The following KIAA1328 variants were observed in gnomAD, a reference collection of about 807,000 sequenced individuals.
KIAA1328 encodes the protein protein hinderin.
Under a neutral mutation model 68.1 loss-of-function variants are expected in KIAA1328, and 52 were observed. That is an observed-to-expected ratio of 0.76 (90% CI 0.61 to 0.96). KIAA1328 has a LOEUF of 0.96. KIAA1328 is among the 40% of genes least tolerant of loss of function. The pLI is 0.00. For synonymous variants in KIAA1328, 232 were observed against 239.4 expected (o/e 0.97, Z 0.28); for missense variants, 641 against 677.6 (o/e 0.95, Z 0.60).
At chr18:36,918,928 T>TTA in intron 5 of KIAA1328, among the ~76,000 whole-genome samples, 1 of 152,224 alleles carries the variant, frequency 6.6e-6, no homozygotes, top group African/African-American at 2.4e-5. Flanking sequence ...AGATACTCTG[T>TTA]ATAATTTTAG....
intron 6 of KIAA1328, among the ~76,000 whole-genome samples, chr18:37,015,207 TC>T (rs1373135116): frequency 1.3e-5 from 2 of 152,152 alleles, no homozygotes; most frequent in Non-Finnish European, 2.9e-5. Flanking sequence ...CTAGTTTTGT[TC>T]TTCTCCATAT....
chr18:37,144,800 G>A (rs920916428), intron 7 of KIAA1328, among the ~76,000 whole-genome samples: 4 of 151,994 alleles, frequency 2.6e-5, no homozygotes, highest in African/African-American at 4.8e-5. Context: ...AAAGTGTGGG[G>A]ATTACAGGCG....
intron 9 of KIAA1328, among the ~76,000 whole-genome samples, chr18:37,206,379 A>T (rs767251701): frequency 6.6e-6 from 1 of 152,122 alleles, no homozygotes; most frequent in Non-Finnish European, 1.5e-5. Flanking sequence ...TCTATGAGGA[A>T]CATATCTGTT....
chr18:37,152,981 C>T (rs201767831), intron 7 of KIAA1328, among the ~76,000 whole-genome samples: 1 of 152,146 alleles, frequency 6.6e-6, no homozygotes, highest in East Asian at 1.9e-4. Flanking sequence ...GAGGCTCCAT[C>T]TTTACTTTTC....
At chr18:37,040,129 T>C (rs1443934154) in intron 6 of KIAA1328, among the ~76,000 whole-genome samples, 2 of 152,348 alleles carry the variant, frequency 1.3e-5, no homozygotes, top group East Asian at 3.9e-4. Flanking sequence ...TAGAAAACTT[T>C]TGTTTTAAGG....
At chr18:37,134,393 G>A (rs1481853560) in intron 7 of KIAA1328, among the ~76,000 whole-genome samples, 1 of 152,028 alleles carries the variant, frequency 6.6e-6, no homozygotes, top group African/African-American at 2.4e-5. Context: ...AATGTTTACT[G>A]TAATATGTAA....
intron 6 of KIAA1328, among the ~76,000 whole-genome samples, chr18:37,052,299 A>T (rs1307460861): frequency 6.6e-6 from 1 of 152,214 alleles, no homozygotes; most frequent in African/African-American, 2.4e-5. Flanking sequence ...ACATCTCTTC[A>T]TGATAAAAAC....
chr18:37,024,910 G>T (rs1367481171), intron 6 of KIAA1328, among the ~76,000 whole-genome samples: 3 of 152,104 alleles, frequency 2.0e-5, no homozygotes, highest in Non-Finnish European at 4.4e-5. Context: ...TGATGGCTGG[G>T]TCAAATGGTA....
At position 37,160,232 on chromosome 18, in the gene KIAA1328, T is replaced by C; in HGVS notation, c.1265T>C (p.Leu422Pro). The change falls in exon 8 of 10, where the codon CTT (leucine) becomes CCT (proline). Residue 422 changes from leucine to proline, a missense_variant. Coordinates refer to ENST00000280020, the MANE Select transcript of KIAA1328 (RefSeq NM_020776.3). ...AAGTCAAACTGTGATGGCTGGCTGC[T>C]TGGAACATCATCATCTATTAAAAAG... Reference protein sequence around the residue: ...LLKSNCDGWLLGTSSSIKKHQ... With the variant: ...LLKSNCDGWLPGTSSSIKKHQ... 1 of 1,613,192 alleles carries C rather than the reference T, an allele frequency of 6.2e-7. No individual in the cohort carries two copies. The highest frequency in any genetic ancestry group is 8.5e-7 in the Non-Finnish European group (1 of 1,179,528).
chr18:36,899,811 G>A (rs1664329), intron 5 of KIAA1328, among the ~76,000 whole-genome samples: 9,894 of 151,988 alleles, frequency 0.065, 1,070 homozygotes, highest in African/African-American at 0.22. Flanking sequence ...TTCCTGCTCT[G>A]TAAGCATTTT....
At chr18:37,227,928 C>G (rs978671459), downstream of KIAA1328, among the ~76,000 whole-genome samples, 2 of 152,052 alleles carry the variant, frequency 1.3e-5, no homozygotes, top group African/African-American at 4.8e-5. Flanking sequence ...ATTCACCATC[C>G]TAGATGCCAT....
intron 8 of KIAA1328, among the ~76,000 whole-genome samples, chr18:37,172,020 A>G (rs1461674856): frequency 6.6e-6 from 1 of 152,246 alleles, no homozygotes; most frequent in African/African-American, 2.4e-5. Flanking sequence ...GTAAGACTCT[A>G]GCCTTCTCTA....
chr18:37,040,540 A>AT (rs1373904288), intron 6 of KIAA1328, among the ~76,000 whole-genome samples: 1 of 151,602 alleles, frequency 6.6e-6, no homozygotes, highest in East Asian at 1.9e-4. Flanking sequence ...GATTTCATTG[A>AT]TTTTTTTCCA....
intron 7 of KIAA1328, among the ~76,000 whole-genome samples, chr18:37,073,969 G>A (rs201665265): frequency 1.3e-4 from 20 of 152,252 alleles, no homozygotes; most frequent in African/African-American, 4.8e-4. Flanking sequence ...AGTTTATGGT[G>A]TGAGATACTG....
intron 7 of KIAA1328, among the ~76,000 whole-genome samples, chr18:37,081,005 G>A (rs1234770086): frequency 1.3e-5 from 2 of 151,708 alleles, no homozygotes; most frequent in African/African-American, 2.4e-5. Context: ...TTGATTGACG[G>A]AGTTTGGCTC....
In KIAA1328 at chr18:36,975,392, T is replaced by C. The variant is rs1051112115; in HGVS notation, c.576+15957T>C. 5.8e-4 allele frequency among the ~76,000 whole-genome samples: 88 copies of C among 151,964 alleles called. 1 individual carries two copies. In the South Asian group the frequency reaches 7.3e-3, roughly 13 times the overall value. ...AGAGACGGGGTTTCACCGTTTTAGC[T>C]GGGATGGTCTCGATCTCCTGACCTC... On this transcript the variant is annotated intron_variant, in intron 6 of 9. Coordinates refer to ENST00000280020, the MANE Select transcript of KIAA1328 (RefSeq NM_020776.3).
intron 7 of KIAA1328, among the ~76,000 whole-genome samples, chr18:37,100,963 A>T (rs2057594209): frequency 6.6e-6 from 1 of 152,212 alleles, no homozygotes. Context: ...GAGGGTCCTG[A>T]CTGTTAGAAG....
chr18:37,186,460 G>A (rs898995844), intron 9 of KIAA1328, among the ~76,000 whole-genome samples: 1 of 151,028 alleles, frequency 6.6e-6, no homozygotes, highest in Non-Finnish European at 1.5e-5. Context: ...CCAGCTACTC[G>A]GGAGGCTGAG....
At chr18:37,202,937 G>T (rs1481411130) in intron 9 of KIAA1328, among the ~76,000 whole-genome samples, 1 of 151,972 alleles carries the variant, frequency 6.6e-6, no homozygotes, top group East Asian at 1.9e-4. Context: ...ATAATTCAAA[G>T]ATTTCAAAAA....
Sources: allele counts gnomAD v4.1 joint callset (sites outside exome capture counted in the v4.1 genomes callset), GRCh38; gene constraint gnomAD v4.1.1; transcripts MANE v1.5; gene names NCBI Gene and HGNC (gene_info 2026-07-23, HGNC 2026-07-21).